The following CALN1 variants were observed in gnomAD, a reference collection of about 807,000 sequenced individuals.
CALN1 encodes calneuron 1.
A neutral mutation model predicts 30.6 loss-of-function variants in CALN1; 17 were observed. The ratio of observed to expected loss-of-function variants is 0.56; its 90% CI spans 0.38 to 0.83. The LOEUF is 0.83. Ranked by LOEUF, CALN1 falls within the 40% of genes least tolerant of loss-of-function variation. CALN1 has a pLI of 0.00. For missense variants in CALN1, 291 were observed against 354.9 expected (o/e 0.82, Z 1.45); for synonymous variants, 156 against 131.4 (o/e 1.19, Z -1.28).
At chr7:72,158,704 T>C (rs1158401576) in intron 3 of CALN1, among the ~76,000 whole-genome samples, 3 of 152,170 alleles carry the variant, frequency 2.0e-5, no homozygotes, top group Non-Finnish European at 4.4e-5. Context: ...GAACTGTTGC[T>C]GGCATCTTGT....
intron 5 of CALN1, among the ~76,000 whole-genome samples, chr7:72,017,375 A>G (rs941361437): frequency 1.3e-5 from 2 of 152,076 alleles, no homozygotes; most frequent in Admixed American, 1.3e-4. Flanking sequence ...CAGCAGACCT[A>G]TGATTGATAA....
chr7:72,010,936 T>C (rs1213800344), intron 5 of CALN1, among the ~76,000 whole-genome samples: 1 of 151,792 alleles, frequency 6.6e-6, no homozygotes, highest in Non-Finnish European at 1.5e-5. Context: ...GGGCGGATCA[T>C]GGGGTCAAGA....
Position 71,883,891 on chromosome 7 carries a change from A to G in CALN1, c.502-73399T>C, listed in dbSNP as rs540960388. On this transcript the variant is annotated intron_variant, in intron 5 of 6. Coordinates refer to ENST00000395275, the MANE Select transcript of CALN1 (RefSeq NM_031468.4). Reference sequence around the variant, plus strand: ...TGTCTCCATTAAATGTTTCCTCCTGAGAAACTGGATATATCAGCCTCTTTC... The same window carrying G: ...TGTCTCCATTAAATGTTTCCTCCTGGGAAACTGGATATATCAGCCTCTTTC... 2.0e-5 allele frequency among the ~76,000 whole-genome samples: 3 copies of G among 152,176 alleles called. No homozygotes were observed. In the East Asian group the frequency reaches 5.8e-4, roughly 29 times the overall value.
intron 2 of CALN1, among the ~76,000 whole-genome samples, chr7:72,381,567 G>A (rs1585622501): frequency 6.6e-6 from 1 of 152,148 alleles, no homozygotes; most frequent in Non-Finnish European, 1.5e-5. Flanking sequence ...TAGTTGAGCT[G>A]GAAGCCATCA....
At chr7:72,139,714 C>G (rs1809758255) in intron 3 of CALN1, among the ~76,000 whole-genome samples, 1 of 152,206 alleles carries the variant, frequency 6.6e-6, no homozygotes, top group African/African-American at 2.4e-5. Context: ...CTTCTAAGCT[C>G]CTCGGTCACC....
At chr7:72,247,395 CCGCCA>C (rs371835638) in intron 3 of CALN1, among the ~76,000 whole-genome samples, 123 of 151,412 alleles carry the variant, frequency 8.1e-4, no homozygotes, top group African/African-American at 2.9e-3. Flanking sequence ...CTACAGGTGC[CCGCCA>C]CCACGCCCAA....
At chr7:71,912,659 G>A (rs1794485229) in intron 5 of CALN1, among the ~76,000 whole-genome samples, 1 of 152,116 alleles carries the variant, frequency 6.6e-6, no homozygotes, top group Non-Finnish European at 1.5e-5. Flanking sequence ...AGTAGAGAGC[G>A]AACCCAGGAA....
At chr7:71,978,223 T>A (rs995620588) in intron 5 of CALN1, among the ~76,000 whole-genome samples, 27 of 150,336 alleles carry the variant, frequency 1.8e-4, no homozygotes, top group African/African-American at 6.6e-4. Flanking sequence ...TGCTGAATCT[T>A]GAGTCAGTAT....
chr7:72,229,481 AC>A (rs1324781153), intron 3 of CALN1, among the ~76,000 whole-genome samples: 1 of 152,060 alleles, frequency 6.6e-6, no homozygotes, highest in Non-Finnish European at 1.5e-5. Context: ...ACACATGCAC[AC>A]GTATGTTTAC....
At chr7:72,345,482 G>C (rs1383096532) in intron 2 of CALN1, among the ~76,000 whole-genome samples, 1 of 148,228 alleles carries the variant, frequency 6.7e-6, no homozygotes. Context: ...GGGAAGGGAA[G>C]GGAAGGGAGA....
At chr7:72,213,967 C>G (rs1280628470) in intron 3 of CALN1, among the ~76,000 whole-genome samples, 5 of 152,080 alleles carry the variant, frequency 3.3e-5, no homozygotes, top group African/African-American at 9.7e-5. Context: ...GAGTAGAGAC[C>G]CCTGCAGTGA....
chr7:71,790,716 T>C (rs181426983), intron 6 of CALN1, among the ~76,000 whole-genome samples: 1 of 152,196 alleles, frequency 6.6e-6, no homozygotes, highest in Admixed American at 6.5e-5. Context: ...TCAGCCCTAT[T>C]GCAGAATTAC....
At chr7:71,855,473 A>G (rs1343731760) in intron 5 of CALN1, among the ~76,000 whole-genome samples, 1 of 152,160 alleles carries the variant, frequency 6.6e-6, no homozygotes, top group South Asian at 2.1e-4. Context: ...TGGAAGCCCC[A>G]AAGGCCATAA....
chr7:72,365,842 G>A (rs997359513), intron 2 of CALN1, among the ~76,000 whole-genome samples: 1 of 152,208 alleles, frequency 6.6e-6, no homozygotes. Context: ...TTCAGTGTGA[G>A]TGAGAGTATA....
intron 2 of CALN1, among the ~76,000 whole-genome samples, chr7:72,294,777 T>TAAAC (rs1798738284): frequency 6.6e-6 from 1 of 151,268 alleles, no homozygotes; most frequent in Non-Finnish European, 1.5e-5. Flanking sequence ...AATAAATAAA[T>TAAAC]AAATACAGAT....
chr7:72,316,647 T>C (rs989189077), intron 2 of CALN1, among the ~76,000 whole-genome samples: 5 of 152,078 alleles, frequency 3.3e-5, no homozygotes, highest in Non-Finnish European at 7.4e-5. Context: ...CTTAAAAGAA[T>C]ATTTTAGGCC....
chr7:72,280,844 T>G (rs549763), intron 2 of CALN1, among the ~76,000 whole-genome samples: 110,674 of 152,052 alleles, frequency 0.73, 41,263 homozygotes, highest in East Asian at 1. Context: ...GTGAGTTCCT[T>G]ATAAAAGGAT....
chr7:72,293,159 C>T (rs927980987), intron 2 of CALN1, among the ~76,000 whole-genome samples: 1 of 152,274 alleles, frequency 6.6e-6, no homozygotes, highest in African/African-American at 2.4e-5. Flanking sequence ...TTTAAAACAG[C>T]TATCTACTAA....
At chr7:72,446,037 C>CCTGCCT (rs1808515696) in intron 1 of CALN1, among the ~76,000 whole-genome samples, 2 of 152,228 alleles carry the variant, frequency 1.3e-5, no homozygotes, top group South Asian at 4.2e-4. Flanking sequence ...TCCTTAGAAC[C>CCTGCCT]CTGCCTCTAA....
Sources: allele counts gnomAD v4.1 joint callset (sites outside exome capture counted in the v4.1 genomes callset), GRCh38; gene constraint gnomAD v4.1.1; transcripts MANE v1.5; gene names NCBI Gene and HGNC (gene_info 2026-07-23, HGNC 2026-07-21).